Variants in ENAH observed in about 807,000 individuals in gnomAD.
ENAH encodes the protein ENAH actin regulator, also known as protein enabled homolog.
ENAH carries 23 observed loss-of-function variants against 78.7 expected under a neutral mutation model. The observed-to-expected ratio is 0.29, with a 90% CI of 0.21 to 0.41. The LOEUF (loss-of-function observed/expected upper bound fraction) is 0.41. ENAH is among the 10% of genes least tolerant of loss of function. The probability of loss-of-function intolerance (pLI) is 1.00; values close to 1 mark genes in which losing one functional copy is unlikely to be tolerated. For missense variants in ENAH, 544 were observed against 691.0 expected, an observed-to-expected ratio of 0.79 and a Z score of 2.39; for synonymous variants, 226 against 241.0, an observed-to-expected ratio of 0.94 and a Z score of 0.58.
chr1:225,506,265 G>A (rs1406214781), intron 11 of ENAH, among the ~76,000 whole-genome samples: 1 of 152,226 alleles, frequency 6.6e-6, no homozygotes, highest in Non-Finnish European at 1.5e-5. Context: ...TCAGCTCACT[G>A]CAACCTCCGT....
chr1:225,530,920 C>T (rs936830449), intron 3 of ENAH: 3 of 413,980 alleles, frequency 7.2e-6, no homozygotes, highest in African/African-American at 4.1e-5. Context: ...AACAAGTGTT[C>T]GATGAGCATC....
At chr1:225,568,681 A>T (rs2096746760) in intron 1 of ENAH, among the ~76,000 whole-genome samples, 2 of 152,034 alleles carry the variant, frequency 1.3e-5, no homozygotes, top group South Asian at 4.1e-4. Flanking sequence ...TCACCCTCAC[A>T]CTCTCCCCTC....
At chr1:225,639,823 A>G (rs771240437) in intron 1 of ENAH, among the ~76,000 whole-genome samples, 1 of 151,998 alleles carries the variant, frequency 6.6e-6, no homozygotes, top group Non-Finnish European at 1.5e-5. Context: ...ACTTGTTACC[A>G]ATATAAAGAT....
chr1:225,549,513 C>G (rs1216959820), intron 3 of ENAH, among the ~76,000 whole-genome samples: 1 of 152,136 alleles, frequency 6.6e-6, no homozygotes, highest in Non-Finnish European at 1.5e-5. Context: ...GTTCTAAGAC[C>G]TCGGTACAAA....
chr1:225,629,588 G>GAA (rs377579413), intron 1 of ENAH, among the ~76,000 whole-genome samples: 41 of 123,464 alleles, frequency 3.3e-4, no homozygotes, highest in Non-Finnish European at 4.5e-4. Flanking sequence ...CACTGTCCCA[G>GAA]AAAAAAAAAA....
chr1:225,634,096 C>T (rs999754607), intron 1 of ENAH, among the ~76,000 whole-genome samples: 2 of 151,912 alleles, frequency 1.3e-5, no homozygotes, highest in African/African-American at 4.8e-5. Context: ...TTAGTCAGTT[C>T]CAATTTATAA....
intron 1 of ENAH, among the ~76,000 whole-genome samples, chr1:225,621,513 C>T (rs1249628688): frequency 6.6e-6 from 1 of 151,632 alleles, no homozygotes; most frequent in African/African-American, 2.4e-5. Flanking sequence ...GGGATGGTCT[C>T]GATCTCCTGA....
chr1:225,512,732 C>A lies in ENAH; in HGVS notation c.1365-18G>T, dbSNP rs773498395. ...TTCTTCTCCTACAAAGAAGGCAAATCCGATTTTTAAAAATATTATCTGATT... is the reference window on the plus strand; with the variant it reads ...TTCTTCTCCTACAAAGAAGGCAAATACGATTTTTAAAAATATTATCTGATT... On this transcript the variant is annotated intron_variant, in intron 8 of 13. Coordinates refer to ENST00000366843, the MANE Select transcript of ENAH (RefSeq NM_018212.6). 3.7e-6 allele frequency: 6 copies of A among 1,612,658 alleles called. No individual in the cohort carries two copies. The East Asian group carries it at 6.7e-5, about 18-fold the overall frequency.
intron 3 of ENAH, among the ~76,000 whole-genome samples, chr1:225,548,721 G>A (rs1238203511): frequency 3.9e-5 from 6 of 152,206 alleles, no homozygotes; most frequent in African/African-American, 1.2e-4. Context: ...ACATTACTGT[G>A]ATTCACAAAA....
intron 1 of ENAH, among the ~76,000 whole-genome samples, chr1:225,613,721 ATATTT>A (rs1362266572): frequency 2.2e-4 from 34 of 152,314 alleles, no homozygotes; most frequent in Middle Eastern, 6.8e-3. Context: ...ACCTTATAGC[ATATTT>A]TATTATTAAA....
chr1:225,622,763 C>A (rs944531594), intron 1 of ENAH, among the ~76,000 whole-genome samples: 1 of 152,116 alleles, frequency 6.6e-6, no homozygotes, highest in African/African-American at 2.4e-5. Context: ...ATCTTGGGAG[C>A]ATACACATAT....
chr1:225,550,161 C>T (rs2096634606), intron 3 of ENAH, among the ~76,000 whole-genome samples: 1 of 152,180 alleles, frequency 6.6e-6, no homozygotes, highest in South Asian at 2.1e-4. Flanking sequence ...CTCATGCTTC[C>T]AAACCTATCT....
At position 225,490,789 on chromosome 1, in the gene ENAH, T is replaced by C. The variant is rs934859943; in HGVS notation, c.*6986A>G. The C allele has an allele frequency of 2.6e-5, 4 of 152,254 alleles. No homozygotes were observed. The highest frequency in any genetic ancestry group is 5.9e-5 in the Non-Finnish European group (4 of 68,058). 9.4% of individuals were successfully genotyped at this position (152,254 alleles called of 1,614,324 possible). On this transcript the variant is annotated 3_prime_UTR_variant, in exon 14 of 14. Transcript: ENST00000366843. ...GATAAACTATAAGCTATTCTTCTCC[T>C]GGAAATTTAAGTGGCAAAGTCAACG... is the stretch of plus-strand genomic sequence containing the variant.
At chr1:225,593,094 A>G (rs1390502486) in intron 1 of ENAH, among the ~76,000 whole-genome samples, 1 of 152,120 alleles carries the variant, frequency 6.6e-6, no homozygotes, top group Non-Finnish European at 1.5e-5. Flanking sequence ...CCATATAGCT[A>G]TAACTATCAT....
At chr1:225,528,134 A>G (rs188417011) in intron 4 of ENAH, among the ~76,000 whole-genome samples, 2 of 152,330 alleles carry the variant, frequency 1.3e-5, no homozygotes, top group Admixed American at 6.5e-5. Context: ...ACTTTTTATT[A>G]GAAATTTTAT....
intron 1 of ENAH, among the ~76,000 whole-genome samples, chr1:225,640,410 T>C (rs1660824450): frequency 6.6e-6 from 1 of 152,328 alleles, no homozygotes; most frequent in East Asian, 1.9e-4. Flanking sequence ...TCCTACAAGA[T>C]CTTGTTCTTA....
chr1:225,633,601 T>C (rs1032653900), intron 1 of ENAH, among the ~76,000 whole-genome samples: 2 of 152,218 alleles, frequency 1.3e-5, no homozygotes, highest in South Asian at 4.1e-4. Context: ...TCCAGCCAAG[T>C]CACTTAAGTA....
chr1:225,652,742 C>T lies in ENAH; in HGVS notation c.-52G>A. 2 of 1,307,990 alleles carry T rather than the reference C, an allele frequency of 1.5e-6. No homozygotes were observed. Among genetic ancestry groups the T allele is most frequent in the South Asian group, 2.3e-5 (1 of 43,890 alleles). 81.0% of individuals were successfully genotyped at this position (1,307,990 alleles called of 1,614,324 possible). On this transcript the variant is annotated 5_prime_UTR_variant, in exon 1 of 14. Transcript: ENST00000366843. Reference sequence around the variant, plus strand: ...ACCAGCCGGGAGACGCAGAAGGCGCCGAGCCGAGGGGGGGGTCTCTCCTCC... The same window carrying T: ...ACCAGCCGGGAGACGCAGAAGGCGCTGAGCCGAGGGGGGGGTCTCTCCTCC...
At chr1:225,650,888 T>C (rs1157291667) in intron 1 of ENAH, among the ~76,000 whole-genome samples, 1 of 149,368 alleles carries the variant, frequency 6.7e-6, no homozygotes, top group African/African-American at 2.5e-5. Context: ...ACTTTCCCTG[T>C]TTTATATTTC....
Sources: allele counts gnomAD v4.1 joint callset (sites outside exome capture counted in the v4.1 genomes callset), GRCh38; gene constraint gnomAD v4.1.1; transcripts MANE v1.5; gene names NCBI Gene and HGNC (gene_info 2026-07-23, HGNC 2026-07-21).